Variants in FAAP20 observed in about 807,000 individuals in gnomAD.
The protein encoded by FAAP20 is FA core complex associated protein 20.
FAAP20 carries 12 observed loss-of-function variants against 16.2 expected under a neutral mutation model. The observed-to-expected ratio is 0.74, with a 90% confidence interval of 0.48 to 1.20. The LOEUF (loss-of-function observed/expected upper bound fraction) is 1.20. Ranked by LOEUF, FAAP20 falls within the 50% of genes most tolerant of loss-of-function variation. The probability of loss-of-function intolerance (pLI) is 0.00; values close to 1 mark genes in which losing one functional copy is unlikely to be tolerated. For synonymous variants in FAAP20, 141 were observed against 110.7 expected (o/e 1.27, Z -1.72); for missense variants, 288 against 245.8 (o/e 1.17, Z -1.15).
chr1:2,184,498 T>C (rs1310048682), downstream of FAAP20: 2 of 946,720 alleles, frequency 2.1e-6, no homozygotes, highest in Non-Finnish European at 3.2e-6. Context: ...CTGTTTCATT[T>C]TGTGATTGAA....
At chr1:2,184,967 G>A (rs764637036), downstream of FAAP20, 2 of 1,613,874 alleles carry the variant, frequency 1.2e-6, no homozygotes, top group African/African-American at 1.3e-5. Context: ...AAGGCTTTGA[G>A]TATATCAACC....
upstream of FAAP20, among the ~76,000 whole-genome samples, chr1:2,195,351 G>A (rs1688767489): frequency 6.6e-6 from 1 of 152,228 alleles, no homozygotes; most frequent in African/African-American, 2.4e-5. Context: ...CTCAAAGTCG[G>A]CCACGTGGTG....
downstream of FAAP20, among the ~76,000 whole-genome samples, chr1:2,188,712 AAC>A (rs1221554171): frequency 6.6e-6 from 1 of 152,172 alleles, no homozygotes; most frequent in Non-Finnish European, 1.5e-5. Flanking sequence ...GGGGAATTAA[AAC>A]ACCACCGATG....
At position 2,193,625 on chromosome 1, in the gene FAAP20, G is replaced by A. The variant is rs377224564; in HGVS notation, c.470+14C>T. 365 of 1,591,072 alleles carry A rather than the reference G, an allele frequency of 2.3e-4. No homozygotes were observed. The highest frequency in any genetic ancestry group is 3.0e-4 in the Non-Finnish European group (357 of 1,175,002). On this transcript the variant is annotated intron_variant, in intron 3 of 3. Coordinates refer to ENST00000378546, the MANE Select transcript of FAAP20 (RefSeq NM_182533.4). ...GATGGATAACCGGGCCGGGCGCAGG[G>A]GTGGCCTACTCACCTGGGGGCGAAC...
At chr1:2,186,505 C>T (rs535187750), downstream of FAAP20, among the ~76,000 whole-genome samples, 29 of 149,912 alleles carry the variant, frequency 1.9e-4, no homozygotes, top group East Asian at 4.3e-3. Context: ...CGCCCCCCCC[C>T]GGCCAGCTCA....
intron 3 of FAAP20, chr1:2,192,255 C>A (rs929936443): frequency 1.0e-6 from 1 of 986,248 alleles, no homozygotes. Context: ...CCTGCCCATG[C>A]GGTGGCCACA....
downstream of FAAP20, chr1:2,185,003 G>T: frequency 6.2e-7 from 1 of 1,612,428 alleles, no homozygotes; most frequent in Non-Finnish European, 8.5e-7. Flanking sequence ...CCGAGGAGTC[G>T]GTGTGAGGCC....
upstream of FAAP20, among the ~76,000 whole-genome samples, chr1:2,196,868 G>A (rs1285173905): frequency 6.6e-6 from 1 of 152,008 alleles, no homozygotes; most frequent in Non-Finnish European, 1.5e-5. This position sits in a 1 kb window ranked among gnomAD's most constrained non-coding sequence, Gnocchi z 4.5. Flanking sequence ...GAGGAGAAAA[G>A]CCCTTGGTGA....
downstream of FAAP20, chr1:2,185,243 G>A (rs777741892): frequency 1.5e-5 from 11 of 711,220 alleles, no homozygotes; most frequent in Admixed American, 8.0e-5. Flanking sequence ...TGCCTGCGTC[G>A]CGGCGGATCC....
chr1:2,188,655 C>A (rs906970421), downstream of FAAP20, among the ~76,000 whole-genome samples: 3 of 152,218 alleles, frequency 2.0e-5, no homozygotes, highest in Non-Finnish European at 4.4e-5. Context: ...CACACGGTGG[C>A]AGGAGCCTTT....
At chr1:2,197,790 GT>G (rs978976599), upstream of FAAP20, among the ~76,000 whole-genome samples, 2 of 152,258 alleles carry the variant, frequency 1.3e-5, no homozygotes, top group African/African-American at 4.8e-5. Flanking sequence ...GCAGGCCCCT[GT>G]GACCTACAGC....
At chr1:2,209,842 C>T (rs114388356), downstream of FAAP20, among the ~76,000 whole-genome samples, 81 of 152,368 alleles carry the variant, frequency 5.3e-4, no homozygotes, top group African/African-American at 1.9e-3. Context: ...AGCCTCCCTC[C>T]TGCCTTCTGT....
chr1:2,208,636 C>A (rs1689352393), downstream of FAAP20, among the ~76,000 whole-genome samples: 1 of 152,164 alleles, frequency 6.6e-6, no homozygotes, highest in Admixed American at 6.5e-5. Context: ...TCTTGCCTCG[C>A]CCTTTGGAGT....
chr1:2,199,298 G>C (rs192506447), upstream of FAAP20: 1 of 1,062,014 alleles, frequency 9.4e-7, no homozygotes, highest in East Asian at 9.9e-5. The surrounding 1 kb of genome is among the most constrained non-coding windows in gnomAD (Gnocchi z 4.5). Flanking sequence ...CCCACGTGTC[G>C]GGCTCAGCTT....
downstream of FAAP20, among the ~76,000 whole-genome samples, chr1:2,209,809 A>G (rs528587237): frequency 1.0e-3 from 159 of 152,094 alleles, no homozygotes; most frequent in African/African-American, 3.5e-3. Flanking sequence ...CACCCCCAGG[A>G]CCCTTCAGGC....
At chr1:2,211,434 TA>T (rs1363547057), downstream of FAAP20, among the ~76,000 whole-genome samples, 17 of 18,684 alleles carry the variant, frequency 9.1e-4, no homozygotes, top group South Asian at 2.6e-3. Context: ...TATATATATA[TA>T]TTTTTTTTTT....
downstream of FAAP20, among the ~76,000 whole-genome samples, chr1:2,210,175 A>G (rs974312866): frequency 6.6e-6 from 1 of 152,134 alleles, no homozygotes; most frequent in Non-Finnish European, 1.5e-5. Context: ...CAGACCTGCG[A>G]GTGTGCCTGC....
Position 2,193,818 on chromosome 1 carries a change from C to G in FAAP20, c.291G>C (p.Pro97=). The change falls in exon 3 of 4, where the codon CCG becomes CCC. Residue 97 remains proline, a synonymous_variant. Transcript: ENST00000378546. The part of the protein sequence containing the change: ...WTPFPPDLWG[P]GRSYRLLHGA... The stretch of plus-strand genomic sequence containing the variant: ...CGTGAAGCAGCCGGTAGGAACGGCC[C>G]GGGCCCCACAGGTCCGGCGGAAAGG... 1 of 1,609,820 alleles carries G rather than the reference C, an allele frequency of 6.2e-7. No homozygotes were observed. The highest frequency in any genetic ancestry group is 1.1e-5 in the South Asian group (1 of 90,958).
downstream of FAAP20, among the ~76,000 whole-genome samples, chr1:2,210,956 G>A (rs986627269): frequency 9.9e-5 from 15 of 152,234 alleles, no homozygotes; most frequent in Non-Finnish European, 1.8e-4. Context: ...CCCCTATCCA[G>A]ATGCCTGATT....
Sources: gnomAD v4.1 joint callset for allele counts (sites outside exome capture counted in the v4.1 genomes callset) on GRCh38, gnomAD v4.1.1 for gene constraint, Gnocchi (gnomAD v3.1) non-coding constraint, MANE v1.5 for transcripts, NCBI Gene and HGNC (gene_info 2026-07-23, HGNC 2026-07-21) for gene names.